Variants in SPIDR observed in about 807,000 individuals in gnomAD.
SPIDR encodes scaffold protein involved in DNA repair, also known as DNA repair-scaffolding protein.
A neutral mutation model predicts 104.6 loss-of-function variants in SPIDR; 93 were observed. The ratio of observed to expected loss-of-function variants is 0.89; its 90% CI spans 0.75 to 1.06. The LOEUF is 1.06. Among genes scored for constraint, SPIDR ranks in the 50% least tolerant of loss-of-function variants. The pLI is 0.00. For synonymous variants in SPIDR, 431 were observed against 416.9 expected, an observed-to-expected ratio of 1.03 and a Z score of -0.41; for missense variants, 1,154 against 1,111.2, an observed-to-expected ratio of 1.04 and a Z score of -0.55.
At chr8:47,294,092 AT>A (rs782054578) in intron 5 of SPIDR, 62 bp downstream of exon 5, 27,985 of 1,022,674 alleles carry the variant, frequency 0.027, 6 homozygotes, top group South Asian at 0.047. Flanking sequence ...CATAGTTGTC[AT>A]TTTTTTTTTT....
chr8:47,654,194 G>T, intron 10 of SPIDR: 1 of 1,283,944 alleles, frequency 7.8e-7, no homozygotes, highest in Non-Finnish European at 1.0e-6. Context: ...GAGCACTGTA[G>T]CAGCAACCTG....
At chr8:47,290,697 T>G (rs1481188158) in intron 3 of SPIDR, among the ~76,000 whole-genome samples, 5 of 152,232 alleles carry the variant, frequency 3.3e-5, no homozygotes, top group Admixed American at 1.3e-4. Context: ...AAAAAATTTT[T>G]TGTTTTCATC....
intron 8 of SPIDR, among the ~76,000 whole-genome samples, chr8:47,454,507 G>A (rs2072571899): frequency 6.6e-6 from 1 of 152,022 alleles, no homozygotes; most frequent in African/African-American, 2.4e-5. Flanking sequence ...GCGGGGAAGG[G>A]ATAGGATTAG....
chr8:47,575,359 G>A (rs1331385903), intron 8 of SPIDR, among the ~76,000 whole-genome samples: 2 of 152,142 alleles, frequency 1.3e-5, no homozygotes, highest in Non-Finnish European at 2.9e-5. Flanking sequence ...TAAGAAAAAA[G>A]CTGGCCGGGC....
Position 47,690,041 on chromosome 8 carries a change from TTATAA to T in SPIDR, c.1686-10358_1686-10354del, listed in dbSNP as rs144454504. Among the ~76,000 whole-genome samples the T allele has an allele frequency of 1.3e-4, 20 of 151,926 alleles. No individual in the cohort carries two copies. In the East Asian group the frequency reaches 3.7e-3, roughly 28 times the overall value. On this transcript the variant is annotated intron_variant, in intron 11 of 19. Coordinates refer to ENST00000297423, the MANE Select transcript of SPIDR (RefSeq NM_001080394.4). ...ATTTTTGTTAAGTATCAGAGCACAC[TTATAA>T]TATTTGGTTAAAAAAAAAAACTTAC...
intron 8 of SPIDR, among the ~76,000 whole-genome samples, chr8:47,491,306 T>C (rs534200282): frequency 2.0e-5 from 3 of 152,086 alleles, no homozygotes; most frequent in Non-Finnish European, 4.4e-5. Flanking sequence ...TTTCTGTCAG[T>C]ATATGGAATT....
At chr8:47,400,577 G>A (rs186440075) in intron 6 of SPIDR, among the ~76,000 whole-genome samples, 2 of 151,990 alleles carry the variant, frequency 1.3e-5, no homozygotes, top group East Asian at 3.9e-4. Flanking sequence ...ATTGAGAGAG[G>A]TAGTTGACAT....
chr8:47,458,089 T>C (rs957051704), intron 8 of SPIDR, among the ~76,000 whole-genome samples: 6 of 151,928 alleles, frequency 3.9e-5, no homozygotes, highest in African/African-American at 1.4e-4. Flanking sequence ...CTTTGGTAAA[T>C]TTTAGGATTG....
At chr8:47,717,459 T>C (rs1280199135) in intron 16 of SPIDR, among the ~76,000 whole-genome samples, 2 of 152,130 alleles carry the variant, frequency 1.3e-5, no homozygotes, top group Non-Finnish European at 2.9e-5. Context: ...CATGAGAAAA[T>C]GTGTACCTGA....
chr8:47,283,012 C>T (rs1467206292), intron 2 of SPIDR, among the ~76,000 whole-genome samples: 2 of 152,054 alleles, frequency 1.3e-5, no homozygotes, highest in Non-Finnish European at 2.9e-5. Context: ...CCCGCCACCA[C>T]GCCCAGCTAA....
At chr8:47,621,506 C>T (rs937482039) in intron 10 of SPIDR, among the ~76,000 whole-genome samples, 7 of 152,264 alleles carry the variant, frequency 4.6e-5, no homozygotes, top group Non-Finnish European at 7.4e-5. Flanking sequence ...TTATTGTGCG[C>T]GCCTCTCTCT....
intron 11 of SPIDR, among the ~76,000 whole-genome samples, chr8:47,681,026 G>C (rs1194837281): frequency 6.6e-6 from 1 of 152,228 alleles, no homozygotes; most frequent in Non-Finnish European, 1.5e-5. Context: ...TCACGCCATT[G>C]CGCTCCAGCC....
chr8:47,516,051 C>T (rs951726965), intron 8 of SPIDR, among the ~76,000 whole-genome samples: 1 of 152,210 alleles, frequency 6.6e-6, no homozygotes. Flanking sequence ...CCTCGTGATC[C>T]GCCCGCCTCG....
In SPIDR at chr8:47,735,111, GGTGTGTGTGT is replaced by G. The variant is rs202076247; in HGVS notation, c.2605-181_2605-172del. Among the ~76,000 whole-genome samples the G allele has an allele frequency of 8.2e-4, 111 of 135,254 alleles. 1 individual carries two copies. Among genetic ancestry groups the G allele is most frequent in the African/African-American group, 1.7e-3 (56 of 33,852 alleles). The allele number at this position is 135,254 out of a possible 152,430, so 88.7% of individuals were successfully genotyped here. A position where few individuals can be genotyped will look rare whatever the true frequency, so the allele number is the denominator to read the frequency against. ...GGGTGTGTGGGTGTGTGTGTGTGTG[GGTGTGTGTGT>G]GTGTGTGTGTGTGTAGTGGCTCTTC... On this transcript the variant is annotated intron_variant, in intron 19 of 19. Transcript: ENST00000297423.
At chr8:47,538,044 TCG>T (rs1048290618) in intron 8 of SPIDR, among the ~76,000 whole-genome samples, 5 of 151,794 alleles carry the variant, frequency 3.3e-5, no homozygotes, top group African/African-American at 9.7e-5. Context: ...GCGTGGTGAC[TCG>T]CGCATATAAT....
At chr8:47,659,526 A>G (rs1344871833) in intron 10 of SPIDR, 1 of 155,272 alleles carries the variant, frequency 6.4e-6, no homozygotes, top group Admixed American at 6.5e-5. Context: ...TGAGAAGAAG[A>G]ACACAATGTC....
At chr8:47,353,451 A>C (rs1165788271) in intron 5 of SPIDR, among the ~76,000 whole-genome samples, 10 of 152,146 alleles carry the variant, frequency 6.6e-5, no homozygotes, top group Admixed American at 6.5e-4. Flanking sequence ...CCTCCCTAAT[A>C]TGCAAGCTTA....
At chr8:47,361,585 T>C (rs1450000915) in intron 5 of SPIDR, among the ~76,000 whole-genome samples, 1 of 152,240 alleles carries the variant, frequency 6.6e-6, no homozygotes, top group Non-Finnish European at 1.5e-5. Context: ...TGGGAACTTG[T>C]CAGCAATGCA....
chr8:47,304,102 A>G (rs1586661250), intron 5 of SPIDR, among the ~76,000 whole-genome samples: 2 of 152,210 alleles, frequency 1.3e-5, no homozygotes, highest in East Asian at 3.9e-4. Context: ...GTATCTTCCA[A>G]GAAGCATTTG....
Sources: gnomAD v4.1 joint callset for allele counts (sites outside exome capture counted in the v4.1 genomes callset) on GRCh38, gnomAD v4.1.1 for gene constraint, MANE v1.5 for transcripts, NCBI Gene and HGNC (gene_info 2026-07-23, HGNC 2026-07-21) for gene names.